Variants in GALNT14 observed in about 807,000 individuals in gnomAD.
GALNT14 encodes the protein polypeptide N-acetylgalactosaminyltransferase 14.
In GALNT14, 60 loss-of-function variants were observed where a neutral mutation model predicts 77.5. The ratio of observed to expected loss-of-function variants is 0.77; its 90% CI spans 0.63 to 0.96. The LOEUF is 0.96. Among genes scored for constraint, GALNT14 ranks in the 40% least tolerant of loss-of-function variants. GALNT14 has a pLI of 0.00. For missense variants in GALNT14, 710 were observed against 731.0 expected, an observed-to-expected ratio of 0.97 and a Z score of 0.33; for synonymous variants, 280 against 281.7, an observed-to-expected ratio of 0.99 and a Z score of 0.06.
At chr2:31,013,352 G>C (rs1671155042) in intron 1 of GALNT14, among the ~76,000 whole-genome samples, 1 of 152,110 alleles carries the variant, frequency 6.6e-6, no homozygotes, top group African/African-American at 2.4e-5. Flanking sequence ...TTGATACAAA[G>C]GGATTGACAC....
At chr2:30,921,622 T>C (rs936744584) in intron 13 of GALNT14, among the ~76,000 whole-genome samples, 4 of 152,120 alleles carry the variant, frequency 2.6e-5, no homozygotes, top group African/African-American at 9.7e-5. Flanking sequence ...ATAGGAGCCA[T>C]CGATGTCTGT....
At chr2:31,012,737 C>T (rs1671109316) in intron 1 of GALNT14, among the ~76,000 whole-genome samples, 3 of 151,890 alleles carry the variant, frequency 2.0e-5, no homozygotes, top group Non-Finnish European at 4.4e-5. Flanking sequence ...AAACCAAAAC[C>T]AAACAAACCA....
At chr2:30,989,011 G>C (rs577448190) in intron 2 of GALNT14, among the ~76,000 whole-genome samples, 1 of 152,136 alleles carries the variant, frequency 6.6e-6, no homozygotes, top group African/African-American at 2.4e-5. Flanking sequence ...CATCTCAGAC[G>C]TACTAAATCA....
At chr2:31,024,223 C>T (rs768364171) in intron 1 of GALNT14, among the ~76,000 whole-genome samples, 2 of 152,298 alleles carry the variant, frequency 1.3e-5, no homozygotes, top group Non-Finnish European at 2.9e-5. Flanking sequence ...CCATCTCTTA[C>T]CTGAACTCTG....
chr2:30,969,010 A>G (rs529297861), intron 2 of GALNT14, among the ~76,000 whole-genome samples: 10 of 152,212 alleles, frequency 6.6e-5, no homozygotes, highest in South Asian at 4.2e-4. Flanking sequence ...CTGTGAGAGC[A>G]TGGAGGGGCT....
Position 31,070,333 on chromosome 2 carries a change from G to GT in GALNT14, c.129+67624dup, listed in dbSNP as rs555975729. On this transcript the variant is annotated intron_variant, in intron 1 of 14. Coordinates refer to ENST00000349752, the MANE Select transcript of GALNT14 (RefSeq NM_024572.4). ...GAAAGGGGACCACGTAGGTCCCATT[G>GT]TTCCTCTGGAAGAAACCTAGACATG... Among the ~76,000 whole-genome samples the GT allele has an allele frequency of 1.6e-3, 249 of 152,336 alleles. 1 individual carries two copies. The highest frequency in any genetic ancestry group is 5.6e-3 in the African/African-American group (232 of 41,580).
the GALNT14 span, among the ~76,000 whole-genome samples, chr2:30,904,879 GCCT>G: frequency 6.6e-6 from 1 of 152,032 alleles, no homozygotes; most frequent in Non-Finnish European, 1.5e-5. Flanking sequence ...CGGGCAGACT[GCCT>G]CCTCAAGTGG....
intron 9 of GALNT14, among the ~76,000 whole-genome samples, chr2:30,936,501 A>G (rs1183033234): frequency 6.6e-6 from 1 of 152,190 alleles, no homozygotes; most frequent in Non-Finnish European, 1.5e-5. Context: ...TGTGTATACA[A>G]TAGCATTGTC....
intron 1 of GALNT14, among the ~76,000 whole-genome samples, chr2:31,030,610 C>A (rs1329008171): frequency 6.6e-6 from 1 of 152,176 alleles, no homozygotes; most frequent in Non-Finnish European, 1.5e-5. Context: ...AAACCTCAAA[C>A]CCTCATGTCT....
chr2:31,000,435 C>CTGTG (rs3223043), intron 1 of GALNT14, among the ~76,000 whole-genome samples: 10,828 of 145,938 alleles, frequency 0.074, 397 homozygotes, highest in South Asian at 0.09. Context: ...ATATCACCAA[C>CTGTG]TGTGTGTGTG....
chr2:31,128,210 C>T (rs891765259), intron 1 of GALNT14, among the ~76,000 whole-genome samples: 2 of 152,132 alleles, frequency 1.3e-5, no homozygotes, highest in Non-Finnish European at 2.9e-5. Flanking sequence ...AGTCTGGTCC[C>T]TGTACTGGGT....
intron 2 of GALNT14, among the ~76,000 whole-genome samples, chr2:30,983,797 AC>A (rs1370799988): frequency 7.0e-5 from 2 of 28,532 alleles, no homozygotes; most frequent in African/African-American, 2.4e-4. Flanking sequence ...ACACACACAC[AC>A]ACACACACAC....
At chr2:30,989,583 A>ATATATAT (rs56703340) in intron 2 of GALNT14, among the ~76,000 whole-genome samples, 2,516 of 91,648 alleles carry the variant, frequency 0.027, 169 homozygotes, top group African/African-American at 0.097. Flanking sequence ...TATATATATA[A>ATATATAT]AAATATATAT....
intron 1 of GALNT14, among the ~76,000 whole-genome samples, chr2:30,996,576 C>T (rs543387638): frequency 2.0e-5 from 3 of 152,362 alleles, no homozygotes; most frequent in Admixed American, 6.5e-5. Flanking sequence ...TCTCTATTCA[C>T]ACCAGATAGA....
downstream of GALNT14, among the ~76,000 whole-genome samples, chr2:30,907,199 T>A (rs948666731): frequency 6.6e-6 from 1 of 151,778 alleles, no homozygotes; most frequent in Admixed American, 6.6e-5. Context: ...AGGCAAGAAA[T>A]AACTAAGATC....
chr2:30,945,588 C>T (rs1220290651), intron 7 of GALNT14, among the ~76,000 whole-genome samples, 195 bp downstream of exon 7: 1 of 152,196 alleles, frequency 6.6e-6, no homozygotes, highest in Non-Finnish European at 1.5e-5. Flanking sequence ...GTGCTGGGAG[C>T]ATCCTGCCCA....
intron 1 of GALNT14, among the ~76,000 whole-genome samples, chr2:31,006,879 A>G (rs1338010993): frequency 6.6e-6 from 1 of 152,124 alleles, no homozygotes; most frequent in Non-Finnish European, 1.5e-5. Flanking sequence ...CCTCTCTTCT[A>G]CGCCTGCTAG....
At chr2:31,062,761 G>A (rs925180550) in intron 1 of GALNT14, among the ~76,000 whole-genome samples, 4 of 151,674 alleles carry the variant, frequency 2.6e-5, no homozygotes, top group Non-Finnish European at 4.4e-5. Flanking sequence ...ATTCTAACTG[G>A]AATGAGATGG....
rs528696282 is a variant in GALNT14, at chr2:30,982,392, A to C, written c.299+10446T>G. ...TAATCATAGCAGCTCTCGTCATAAAAGCCAAGCTGGAAAAACCCCAAATGA... is the reference window on the plus strand; with the variant it reads ...TAATCATAGCAGCTCTCGTCATAAACGCCAAGCTGGAAAAACCCCAAATGA... On this transcript the variant is annotated intron_variant, in intron 2 of 14. Coordinates refer to ENST00000349752, the MANE Select transcript of GALNT14 (RefSeq NM_024572.4). Among the ~76,000 whole-genome samples, 3 of 152,348 alleles carry C rather than the reference A, an allele frequency of 2.0e-5. No homozygotes were observed. In the South Asian group the frequency reaches 6.2e-4, roughly 32 times the overall value.
Sources: gnomAD v4.1 joint callset for allele counts (sites outside exome capture counted in the v4.1 genomes callset) on GRCh38, gnomAD v4.1.1 for gene constraint, MANE v1.5 for transcripts, NCBI Gene and HGNC (gene_info 2026-07-23, HGNC 2026-07-21) for gene names.